CCNY: variants seen among roughly 807,000 people sequenced by gnomAD.
The protein encoded by CCNY is cyclin Y, also known as cyclin-Y.
CCNY carries 19 observed loss-of-function variants against 42.8 expected under a neutral mutation model. The ratio of observed to expected loss-of-function variants is 0.44; its 90% CI spans 0.31 to 0.65. The LOEUF (loss-of-function observed/expected upper bound fraction) is 0.65, where lower values mean the gene tolerates loss of function less well. Ranked by LOEUF, CCNY falls within the 30% of genes least tolerant of loss-of-function variation. The pLI, the probability that CCNY is intolerant of heterozygous loss-of-function variation, is 0.07. For missense variants in CCNY, 370 were observed against 437.3 expected, an observed-to-expected ratio of 0.85 and a Z score of 1.37; for synonymous variants, 165 against 162.7, an observed-to-expected ratio of 1.01 and a Z score of -0.11.
chr10:35,522,361 G>A (rs1201614040), intron 4 of CCNY, among the ~76,000 whole-genome samples: 4 of 152,148 alleles, frequency 2.6e-5, no homozygotes, highest in African/African-American at 4.8e-5. Context: ...AGATGAGCAC[G>A]CCTCCTGTTA....
intron 1 of CCNY, among the ~76,000 whole-genome samples, chr10:35,387,421 G>A (rs1251044276): frequency 6.6e-6 from 1 of 152,178 alleles, no homozygotes. Context: ...ACAGTAGTGA[G>A]CTCTGGGCCG....
At chr10:35,410,560 C>T (rs867283551) in intron 1 of CCNY, among the ~76,000 whole-genome samples, 5 of 152,100 alleles carry the variant, frequency 3.3e-5, no homozygotes, top group African/African-American at 1.2e-4. Context: ...AGTTTCTGTG[C>T]ACTGTGGATT....
chr10:35,523,133 G>A (rs889884740), intron 4 of CCNY, among the ~76,000 whole-genome samples: 1 of 152,212 alleles, frequency 6.6e-6, no homozygotes, highest in African/African-American at 2.4e-5. Flanking sequence ...CCAGGAACCA[G>A]GGGACACCAT....
chr10:35,313,975 C>A lies in CCNY; in HGVS notation c.-9+63349C>A, dbSNP rs1325663263. 3.3e-5 allele frequency among the ~76,000 whole-genome samples: 3 copies of A among 92,012 alleles called. No individual in the cohort carries two copies. In the Admixed American group the frequency reaches 4.5e-4, roughly 14 times the overall value. The allele number at this position is 92,012 out of a possible 152,430, so 60.4% of individuals were successfully genotyped here. The stretch of plus-strand genomic sequence containing the variant: ...TGGGAGATAAAGTGAGAGTTCATCT[C>A]GGAAAAAAAAAAAAAAAAAAAAAAA... On this transcript the variant is annotated intron_variant, in intron 3 of 11. Transcript: ENST00000374706.
At chr10:35,340,508 T>C (rs1238090697) in intron 1 of CCNY, among the ~76,000 whole-genome samples, 1 of 150,658 alleles carries the variant, frequency 6.6e-6, no homozygotes, top group African/African-American at 2.4e-5. Context: ...TTCATTCTTT[T>C]TTTTTTTTTT....
intron 1 of CCNY, among the ~76,000 whole-genome samples, chr10:35,342,398 C>T (rs556659138): frequency 6.6e-6 from 1 of 152,326 alleles, no homozygotes; most frequent in South Asian, 2.1e-4. Context: ...GACACCCCGA[C>T]CAAGCATGTG....
intron 1 of CCNY, among the ~76,000 whole-genome samples, chr10:35,360,664 C>T (rs1836665270): frequency 6.6e-6 from 1 of 152,004 alleles, no homozygotes; most frequent in South Asian, 2.1e-4. Flanking sequence ...AAAAAATTAC[C>T]TGTAATCCTA....
chr10:35,337,718 G>T (rs1836079420), intron 1 of CCNY, among the ~76,000 whole-genome samples: 1 of 148,904 alleles, frequency 6.7e-6, no homozygotes, highest in Non-Finnish European at 1.5e-5. Flanking sequence ...CACTTCCCCC[G>T]TTCCCATTCT....
intron 1 of CCNY, among the ~76,000 whole-genome samples, chr10:35,438,967 G>A (rs1838603304): frequency 6.6e-6 from 1 of 152,124 alleles, no homozygotes; most frequent in Admixed American, 6.5e-5. Context: ...TTCAATCCCT[G>A]GCAAGCATCG....
chr10:35,346,073 G>T (rs1471205514), intron 1 of CCNY, among the ~76,000 whole-genome samples: 16 of 152,142 alleles, frequency 1.1e-4, no homozygotes, highest in Admixed American at 1.0e-3. Context: ...TTTATTCAAA[G>T]AATAGGATTT....
At chr10:35,359,453 GTATAA>G (rs1836632080) in intron 1 of CCNY, among the ~76,000 whole-genome samples, 1 of 151,882 alleles carries the variant, frequency 6.6e-6, no homozygotes, top group South Asian at 2.1e-4. Flanking sequence ...CAAATTTGTG[GTATAA>G]TATAACATCA....
intron 1 of CCNY, among the ~76,000 whole-genome samples, chr10:35,440,711 A>G (rs1838647755): frequency 6.6e-6 from 1 of 152,244 alleles, no homozygotes; most frequent in South Asian, 2.1e-4. Context: ...TCTGGGCAGC[A>G]GAAAGGACGG....
intron 1 of CCNY, among the ~76,000 whole-genome samples, chr10:35,428,480 G>A (rs1017773836): frequency 1.3e-5 from 2 of 152,226 alleles, no homozygotes; most frequent in Admixed American, 6.5e-5. Flanking sequence ...TGATGAGGGT[G>A]AGCCCTGAGA....
intron 1 of CCNY, among the ~76,000 whole-genome samples, chr10:35,464,670 G>A (rs1042999544): frequency 6.6e-6 from 1 of 151,858 alleles, no homozygotes; most frequent in African/African-American, 2.4e-5. Context: ...CTTCCTGGAG[G>A]CACTTACCTG....
intron 4 of CCNY, among the ~76,000 whole-genome samples, chr10:35,522,703 C>A (rs1466079612): frequency 2.6e-5 from 4 of 152,186 alleles, no homozygotes; most frequent in African/African-American, 9.7e-5. Context: ...TGTAACAGCA[C>A]CCGAAGGATG....
At chr10:35,481,237 TAA>T (rs1486968447) in intron 1 of CCNY, among the ~76,000 whole-genome samples, 1 of 152,196 alleles carries the variant, frequency 6.6e-6, no homozygotes, top group East Asian at 1.9e-4. Flanking sequence ...TATTTACTAT[TAA>T]AAGTGTCCCA....
intron 1 of CCNY, among the ~76,000 whole-genome samples, chr10:35,452,611 C>CA (rs1838942179): frequency 6.6e-6 from 1 of 152,066 alleles, no homozygotes; most frequent in African/African-American, 2.4e-5. Context: ...CTGAGGTTCT[C>CA]ACCATTTCAG....
intron 1 of CCNY, among the ~76,000 whole-genome samples, chr10:35,346,227 A>G (rs1445024428): frequency 6.6e-6 from 1 of 152,198 alleles, no homozygotes; most frequent in Non-Finnish European, 1.5e-5. Context: ...AAGGAATCTA[A>G]CTGGCTAGAC....
intron 1 of CCNY, among the ~76,000 whole-genome samples, chr10:35,397,972 A>C (rs1407231587): frequency 6.6e-6 from 1 of 152,086 alleles, no homozygotes; most frequent in Non-Finnish European, 1.5e-5. Flanking sequence ...TCCAGGGCCG[A>C]GGGAAGGGGA....
Sources: gnomAD v4.1 joint callset for allele counts (sites outside exome capture counted in the v4.1 genomes callset) on GRCh38, gnomAD v4.1.1 for gene constraint, MANE v1.5 for transcripts, NCBI Gene and HGNC (gene_info 2026-07-23, HGNC 2026-07-21) for gene names.